The following USP31 variants were observed in gnomAD, a reference collection of about 807,000 sequenced individuals.
The protein encoded by USP31 is ubiquitin carboxyl-terminal hydrolase 31.
A neutral mutation model predicts 119.4 loss-of-function variants in USP31; 44 were observed. The observed-to-expected ratio is 0.37, with a 90% CI of 0.29 to 0.47. The LOEUF (loss-of-function observed/expected upper bound fraction) is 0.47, where lower values mean the gene tolerates loss of function less well. USP31 is among the 20% of genes least tolerant of loss of function. USP31 has a pLI of 0.99. For synonymous variants in USP31, 749 were observed against 705.6 expected (o/e 1.06, Z -0.97); for missense variants, 1,643 against 1,730.2 (o/e 0.95, Z 0.89).
Position 23,080,061 on chromosome 16 carries a change from C to A in USP31, c.2061G>T (p.Ser687=), listed in dbSNP as rs1197023543. The change falls in exon 13 of 16, where the codon TCG becomes TCT. Residue 687 remains serine, a synonymous_variant. Coordinates refer to ENST00000219689, the MANE Select transcript of USP31 (RefSeq NM_020718.4). Reference sequence around the variant, plus strand: ...AGGGCCGTCTCCACGGGGACCAATGCGATGGCAAACTCCAGCTGCTCTGGC... The same window carrying A: ...AGGGCCGTCTCCACGGGGACCAATGAGATGGCAAACTCCAGCTGCTCTGGC... ...KRSQSSWSLP[S]HWSPWRRPYG... 4 of 1,614,034 alleles carry A rather than the reference C, an allele frequency of 2.5e-6. No homozygotes were observed. The highest frequency in any genetic ancestry group is 3.4e-6 in the Non-Finnish European group (4 of 1,179,986).
chr16:23,097,673 T>C (rs1901671509), intron 6 of USP31, among the ~76,000 whole-genome samples: 1 of 152,150 alleles, frequency 6.6e-6, no homozygotes, highest in South Asian at 2.1e-4. Flanking sequence ...GTTCAACATA[T>C]GCAAATCAAT....
Position 23,090,746 on chromosome 16 carries a change from C to A in USP31, c.1293G>T (p.Leu431=). 6 of 1,613,802 alleles carry A rather than the reference C, an allele frequency of 3.7e-6. No individual in the cohort carries two copies. The highest frequency in any genetic ancestry group is 5.1e-6 in the Non-Finnish European group (6 of 1,179,776). ...TTGCTGCTGTTTGTGTAGGAGAAGA[C>A]AGTCTATGATAATCCAAGCCAAATT... ...HLKFGLDYHR[L]SSPTQTAAKQ... is the part of the protein sequence containing the mutation. Residue 431 remains leucine (L), a synonymous_variant, in exon 7 of 16, where the codon CTG becomes CTT. Transcript: ENST00000219689.
At chr16:23,145,246 A>G (rs1567250934) in intron 1 of USP31, among the ~76,000 whole-genome samples, 1 of 152,180 alleles carries the variant, frequency 6.6e-6, no homozygotes, top group African/African-American at 2.4e-5. Flanking sequence ...AAGCACTGGC[A>G]TCACCAGGGA....
intron 7 of USP31, among the ~76,000 whole-genome samples, chr16:23,089,773 A>C (rs1901272697): frequency 6.6e-6 from 1 of 152,212 alleles, no homozygotes; most frequent in South Asian, 2.1e-4. Flanking sequence ...GCATTAGACA[A>C]ATTTGAGAGA....
chr16:23,116,820 G>C (rs955993531), intron 1 of USP31, among the ~76,000 whole-genome samples: 2 of 152,136 alleles, frequency 1.3e-5, no homozygotes, highest in Non-Finnish European at 2.9e-5. Flanking sequence ...CAGGGAAAGG[G>C]GGCTTCCATC....
chr16:23,111,473 T>TC (rs1460913265), intron 1 of USP31, among the ~76,000 whole-genome samples: 1 of 151,914 alleles, frequency 6.6e-6, no homozygotes, highest in Admixed American at 6.6e-5. Flanking sequence ...GCGGAATGAG[T>TC]CCCCCCTTTC....
chr16:23,084,720 T>A, intron 11 of USP31, 140 bp downstream of exon 11: 1 of 1,079,078 alleles, frequency 9.3e-7, no homozygotes, highest in Non-Finnish European at 1.3e-6. Flanking sequence ...AGCATTAAGA[T>A]GCTCATTACA....
rs1403854943 is a variant in USP31, at chr16:23,067,932, C to G, written c.*114G>C. Reference sequence around the variant, plus strand: ...ATACACTCACACACACACACACAGTCGGGCACGTGACTCAAAAAAGTACAA... The same window carrying G: ...ATACACTCACACACACACACACAGTGGGGCACGTGACTCAAAAAAGTACAA... On this transcript the variant is annotated 3_prime_UTR_variant, in exon 16 of 16. Coordinates refer to ENST00000219689, the MANE Select transcript of USP31 (RefSeq NM_020718.4). 7.7e-7 allele frequency: 1 copy of G among 1,303,898 alleles called. No individual in the cohort carries two copies. Among genetic ancestry groups the G allele is most frequent in the Non-Finnish European group, 1.0e-6 (1 of 958,878 alleles). The allele number at this position is 1,303,898 out of a possible 1,614,324, so 80.8% of individuals were successfully genotyped here.
At chr16:23,122,614 G>A (rs1902709339) in intron 1 of USP31, among the ~76,000 whole-genome samples, 1 of 152,134 alleles carries the variant, frequency 6.6e-6, no homozygotes, top group South Asian at 2.1e-4. Flanking sequence ...AGAATATTTT[G>A]CAGCTATAAA....
rs1017752118 is a variant in USP31 at position 23,072,404 on chromosome 16, T to C, written c.2336-207A>G. The C allele has an allele frequency of 7.7e-6, 5 of 649,316 alleles. No individual in the cohort carries two copies. In the Admixed American group the frequency reaches 1.1e-4, roughly 14 times the overall value. The allele number at this position is 649,316 out of a possible 1,614,324, so 40.2% of individuals were successfully genotyped here. ...ATGAAAAGATGTAAGGCAGACTTCCTGACGCATGAAATTTGTAGTAATAAA... is the reference window on the plus strand; with the variant it reads ...ATGAAAAGATGTAAGGCAGACTTCCCGACGCATGAAATTTGTAGTAATAAA... On this transcript the variant is annotated intron_variant, in intron 14 of 15. Transcript: ENST00000219689.
intron 9 of USP31, among the ~76,000 whole-genome samples, chr16:23,086,678 T>C (rs1901124467): frequency 6.6e-6 from 1 of 152,190 alleles, no homozygotes; most frequent in Non-Finnish European, 1.5e-5. Flanking sequence ...GAGCAAAGCC[T>C]GACAAAAGTA....
intron 9 of USP31, 114 bp from the exon 10 acceptor site, chr16:23,085,776 T>C: frequency 2.1e-6 from 2 of 961,402 alleles, no homozygotes; most frequent in Admixed American, 2.3e-5. Context: ...TTAATGAAAA[T>C]CTTCATCATA....
At chr16:23,129,437 C>T (rs1203457125) in intron 1 of USP31, among the ~76,000 whole-genome samples, 2 of 151,988 alleles carry the variant, frequency 1.3e-5, no homozygotes, top group Non-Finnish European at 2.9e-5. Context: ...CAGACAATGG[C>T]ATTATCATTT....
At chr16:23,124,504 G>A (rs551986371) in intron 1 of USP31, among the ~76,000 whole-genome samples, 145 of 152,250 alleles carry the variant, frequency 9.5e-4, no homozygotes, top group African/African-American at 3.3e-3. Context: ...CCCTCTCCGG[G>A]ACATACTCGT....
At chr16:23,085,410 G>A (rs2141846031) in intron 10 of USP31, among the ~76,000 whole-genome samples, 175 bp downstream of exon 10, 1 of 152,312 alleles carries the variant, frequency 6.6e-6, no homozygotes, top group African/African-American at 2.4e-5. Flanking sequence ...TGGGAAGAGA[G>A]AATGTATAGG....
At chr16:23,102,276 C>A in intron 6 of USP31, 43 bp downstream of exon 6, 1 of 1,579,004 alleles carries the variant, frequency 6.3e-7, no homozygotes, top group Middle Eastern at 1.7e-4. Flanking sequence ...TATAGTTAAA[C>A]CTGCAAACCC....
At chr16:23,108,444 C>A (rs985641533) in intron 1 of USP31, among the ~76,000 whole-genome samples, 2 of 152,078 alleles carry the variant, frequency 1.3e-5, no homozygotes, top group Non-Finnish European at 2.9e-5. Flanking sequence ...CCTGTCAAGA[C>A]TTCTAAGAAA....
rs998309814 is a variant in USP31 at position 23,067,080 on chromosome 16, G to A, written c.*966C>T. ...CATCGTGGAGCTTCCCACCTCTAAC[G>A]GAAAAATGCAACACCTGACAAGGAA... On this transcript the variant is annotated 3_prime_UTR_variant, in exon 16 of 16. Transcript: ENST00000219689. 3.3e-5 allele frequency: 5 copies of A among 152,384 alleles called. No individual in the cohort carries two copies. Among genetic ancestry groups the A allele is most frequent in the East Asian group, 1.9e-4 (1 of 5,186 alleles). 9.4% of individuals were successfully genotyped at this position (152,384 alleles called of 1,614,324 possible).
At chr16:23,102,009 A>G (rs1047992743) in intron 6 of USP31, among the ~76,000 whole-genome samples, 4 of 150,100 alleles carry the variant, frequency 2.7e-5, no homozygotes, top group South Asian at 2.1e-4. Context: ...ATGGCATAGT[A>G]TATCTTCCTG....
Sources: gnomAD v4.1 joint callset for allele counts (sites outside exome capture counted in the v4.1 genomes callset) on GRCh38, gnomAD v4.1.1 for gene constraint, MANE v1.5 for transcripts, NCBI Gene and HGNC (gene_info 2026-07-23, HGNC 2026-07-21) for gene names.